Variants in AKAIN1 observed in about 807,000 individuals in gnomAD.
The protein encoded by AKAIN1 is A-kinase anchor protein inhibitor 1.
In AKAIN1, 3 loss-of-function variants were observed where a neutral mutation model predicts 3.7. That is an observed-to-expected ratio of 0.82 (90% CI 0.37 to 2.12). The LOEUF is 2.12. AKAIN1 is among the 30% of genes most tolerant of loss of function. The probability of loss-of-function intolerance (pLI) is 0.06; values close to 1 mark genes in which losing one functional copy is unlikely to be tolerated. For synonymous variants in AKAIN1, 31 were observed against 30.8 expected, an observed-to-expected ratio of 1.01 and a Z score of -0.02; for missense variants, 82 against 82.7, an observed-to-expected ratio of 0.99 and a Z score of 0.03.
intron 1 of AKAIN1, among the ~76,000 whole-genome samples, chr18:5,182,234 G>A (rs2071262351): frequency 6.6e-6 from 1 of 152,072 alleles, no homozygotes; most frequent in Admixed American, 6.6e-5. Context: ...AGTAAGTTGG[G>A]TCTTTTTCCA....
chr18:5,156,637 T>G (rs1474558702), intron 1 of AKAIN1, among the ~76,000 whole-genome samples: 2 of 152,214 alleles, frequency 1.3e-5, no homozygotes, highest in Non-Finnish European at 2.9e-5. Context: ...TTTTAGATGA[T>G]TAATACTGTT....
chr18:5,169,586 C>G (rs1031997617), intron 1 of AKAIN1, among the ~76,000 whole-genome samples: 2 of 152,042 alleles, frequency 1.3e-5, no homozygotes, highest in African/African-American at 4.8e-5. Context: ...TAGCCTGGAC[C>G]ACGTAGTCCA....
chr18:5,187,220 TAAAG>T (rs2071292816), intron 1 of AKAIN1, among the ~76,000 whole-genome samples: 2 of 151,876 alleles, frequency 1.3e-5, no homozygotes, highest in South Asian at 4.1e-4. Flanking sequence ...GGAAAAACAA[TAAAG>T]AAATCAATGA....
At chr18:5,177,689 T>TA (rs2071234093) in intron 1 of AKAIN1, among the ~76,000 whole-genome samples, 1 of 152,190 alleles carries the variant, frequency 6.6e-6, no homozygotes, top group South Asian at 2.1e-4. Flanking sequence ...ATGCTGTTTT[T>TA]ATTTCCCATA....
upstream of AKAIN1, chr18:5,197,573 C>G (rs2071357395): frequency 2.1e-6 from 2 of 968,728 alleles, no homozygotes; most frequent in East Asian, 6.7e-5. This position sits in a 1 kb window ranked among gnomAD's most constrained non-coding sequence, Gnocchi z 6.9. Context: ...GTTGGGCTGG[C>G]TCGAATAGAG....
intron 1 of AKAIN1, 76 bp downstream of exon 1, chr18:5,196,962 C>T: frequency 2.2e-6 from 3 of 1,335,496 alleles, no homozygotes; most frequent in South Asian, 1.3e-5. Flanking sequence ...GTAAAGAGGC[C>T]TTTTTTCCCT....
intron 1 of AKAIN1, among the ~76,000 whole-genome samples, chr18:5,190,777 T>G (rs2071314133): frequency 6.6e-6 from 1 of 152,150 alleles, no homozygotes; most frequent in African/African-American, 2.4e-5. Context: ...TCTTCCTGTA[T>G]TCCCATATGG....
At chr18:5,165,061 A>G (rs1390709544) in intron 1 of AKAIN1, among the ~76,000 whole-genome samples, 1 of 151,996 alleles carries the variant, frequency 6.6e-6, no homozygotes, top group African/African-American at 2.4e-5. Context: ...GCTGTGTACA[A>G]TTGGTGTCTC....
At chr18:5,152,838 G>A (rs1268182481) in intron 1 of AKAIN1, among the ~76,000 whole-genome samples, 2 of 152,128 alleles carry the variant, frequency 1.3e-5, no homozygotes, top group Admixed American at 1.3e-4. Context: ...TGCCCACCAG[G>A]GAGGGAGACG....
chr18:5,150,839 T>C (rs1006700385), intron 1 of AKAIN1, among the ~76,000 whole-genome samples: 2 of 152,252 alleles, frequency 1.3e-5, no homozygotes, highest in African/African-American at 4.8e-5. Context: ...CTAATGACCA[T>C]TGGATGACCA....
chr18:5,174,982 A>G (rs747208011), intron 1 of AKAIN1, among the ~76,000 whole-genome samples: 1 of 152,156 alleles, frequency 6.6e-6, no homozygotes, highest in Non-Finnish European at 1.5e-5. Flanking sequence ...AGATACCAGT[A>G]GCCAGGGCCA....
At chr18:5,165,827 G>A (rs955908994) in intron 1 of AKAIN1, among the ~76,000 whole-genome samples, 4 of 151,968 alleles carry the variant, frequency 2.6e-5, no homozygotes, top group Non-Finnish European at 5.9e-5. Flanking sequence ...TCTCTAAACG[G>A]CCATTGCCCA....
intron 1 of AKAIN1, among the ~76,000 whole-genome samples, chr18:5,178,071 G>T (rs2143363005): frequency 6.6e-6 from 1 of 152,188 alleles, no homozygotes; most frequent in Admixed American, 6.5e-5. Flanking sequence ...TGCACATCCA[G>T]GTTGGTGTTG....
intron 1 of AKAIN1, among the ~76,000 whole-genome samples, chr18:5,174,512 G>A (rs909964989): frequency 2.0e-5 from 3 of 152,104 alleles, no homozygotes; most frequent in Non-Finnish European, 4.4e-5. Flanking sequence ...AGGCTGTGGT[G>A]GGCAGATCAC....
At chr18:5,195,203 G>T (rs541764691) in intron 1 of AKAIN1, among the ~76,000 whole-genome samples, 1 of 151,872 alleles carries the variant, frequency 6.6e-6, no homozygotes, top group Admixed American at 6.6e-5. Flanking sequence ...GTCAATTCAC[G>T]CCATCTCTGA....
chr18:5,180,193 TC>T (rs2071249400), intron 1 of AKAIN1, among the ~76,000 whole-genome samples: 1 of 152,154 alleles, frequency 6.6e-6, no homozygotes, highest in Non-Finnish European at 1.5e-5. Flanking sequence ...TATATTAAAG[TC>T]CTGCCTACTA....
intron 1 of AKAIN1, among the ~76,000 whole-genome samples, chr18:5,152,171 G>A (rs998769453): frequency 1.3e-5 from 2 of 152,138 alleles, no homozygotes; most frequent in Non-Finnish European, 2.9e-5. Context: ...GCTCTGGCCC[G>A]CTTACTTGAT....
intron 1 of AKAIN1, among the ~76,000 whole-genome samples, chr18:5,171,731 A>G (rs1309051984): frequency 6.6e-6 from 1 of 152,220 alleles, no homozygotes; most frequent in Non-Finnish European, 1.5e-5. Context: ...ACCTTTGTAC[A>G]TATTTGGTGG....
At position 5,145,029 on chromosome 18, in the gene AKAIN1, G is replaced by A. The variant is rs1373229363; in HGVS notation, c.*533C>T. On this transcript the variant is annotated 3_prime_UTR_variant, in exon 2 of 2. Coordinates refer to ENST00000434239, the MANE Select transcript of AKAIN1 (RefSeq NM_001145194.2). The stretch of plus-strand genomic sequence containing the variant: ...TTAGTAAATGCCTTGGTATGGTCCC[G>A]AGGGACTCAGCCTTAGAATTTCCCT... Among the ~76,000 whole-genome samples the A allele has an allele frequency of 2.0e-5, 3 of 152,086 alleles. No individual in the cohort carries two copies. Among genetic ancestry groups the A allele is most frequent in the Admixed American group, 6.6e-5 (1 of 15,262 alleles).
Sources: allele counts gnomAD v4.1 joint callset (sites outside exome capture counted in the v4.1 genomes callset), GRCh38; gene constraint gnomAD v4.1.1; non-coding constraint Gnocchi (gnomAD v3.1); transcripts MANE v1.5; gene names NCBI Gene and HGNC (gene_info 2026-07-23, HGNC 2026-07-21).